Variants in ATP8A2 observed in about 807,000 individuals in gnomAD.
The protein encoded by ATP8A2 is phospholipid-transporting ATPase IB.
In ATP8A2, 100 loss-of-function variants were observed where a neutral mutation model predicts 165.6. That is an observed-to-expected ratio of 0.60 (90% CI 0.51 to 0.71). The LOEUF (loss-of-function observed/expected upper bound fraction) is 0.71. Among genes scored for constraint, ATP8A2 ranks in the 30% least tolerant of loss-of-function variants. The probability of loss-of-function intolerance (pLI) is 0.00; values close to 1 mark genes in which losing one functional copy is unlikely to be tolerated. For missense variants in ATP8A2, 1,227 were observed against 1,479.5 expected (o/e 0.83, Z 2.80); for synonymous variants, 543 against 548.8 (o/e 0.99, Z 0.15).
At chr13:25,570,971 A>C in intron 17 of ATP8A2, 99 bp downstream of exon 17, 2 of 835,600 alleles carry the variant, frequency 2.4e-6, no homozygotes, top group Non-Finnish European at 3.7e-6. Flanking sequence ...CGTCCCACAG[A>C]CTCGGCTGTC....
At chr13:25,973,801 C>T (rs1336881707) in intron 35 of ATP8A2, among the ~76,000 whole-genome samples, 3 of 152,224 alleles carry the variant, frequency 2.0e-5, no homozygotes, top group African/African-American at 7.2e-5. Flanking sequence ...TTGCACCGGA[C>T]TCCAACAATG....
chr13:25,598,085 C>T (rs969181378), intron 24 of ATP8A2, among the ~76,000 whole-genome samples: 6 of 151,934 alleles, frequency 3.9e-5, no homozygotes, highest in African/African-American at 1.5e-4. Context: ...GTTTATATCC[C>T]GTATAGTTAT....
chr13:25,551,084 TAAG>T (rs1566255118), intron 10 of ATP8A2, among the ~76,000 whole-genome samples: 1 of 152,220 alleles, frequency 6.6e-6, no homozygotes, highest in East Asian at 1.9e-4. Context: ...GATATAATCA[TAAG>T]AAGTACAGAA....
intron 24 of ATP8A2, among the ~76,000 whole-genome samples, chr13:25,619,020 G>GT (rs1175263434): frequency 6.6e-6 from 1 of 152,114 alleles, no homozygotes; most frequent in African/African-American, 2.4e-5. Context: ...AAGTAAGATT[G>GT]TTGAATAAAA....
At chr13:25,413,278 G>GTTTTTT (rs1195456593) in intron 1 of ATP8A2, among the ~76,000 whole-genome samples, 155 of 105,226 alleles carry the variant, frequency 1.5e-3, no homozygotes, top group Non-Finnish European at 2.3e-3. Context: ...CTTTTTCTTT[G>GTTTTTT]TTTTTTTTTT....
At chr13:25,895,311 G>C (rs1352236456) in intron 33 of ATP8A2, among the ~76,000 whole-genome samples, 1 of 152,080 alleles carries the variant, frequency 6.6e-6, no homozygotes, top group Non-Finnish European at 1.5e-5. Flanking sequence ...TTTGTCTTTG[G>C]TTCTGTTTAT....
chr13:25,598,194 C>T (rs2040288173), intron 24 of ATP8A2, among the ~76,000 whole-genome samples: 1 of 152,180 alleles, frequency 6.6e-6, no homozygotes, highest in South Asian at 2.1e-4. Flanking sequence ...GTGACTCTTC[C>T]TCGACCCTCT....
At chr13:25,450,533 T>C (rs1036302185) in intron 1 of ATP8A2, among the ~76,000 whole-genome samples, 1 of 151,678 alleles carries the variant, frequency 6.6e-6, no homozygotes, top group Non-Finnish European at 1.5e-5. Context: ...GGTCTTTGTG[T>C]GTGTGTGTGT....
chr13:25,761,767 T>G (rs945351471), intron 25 of ATP8A2, among the ~76,000 whole-genome samples: 1 of 151,900 alleles, frequency 6.6e-6, no homozygotes, highest in Non-Finnish European at 1.5e-5. Context: ...CCAAGACTAC[T>G]TGTAAATGTT....
intron 24 of ATP8A2, among the ~76,000 whole-genome samples, chr13:25,649,499 T>A (rs2041760566): frequency 6.6e-6 from 1 of 152,146 alleles, no homozygotes; most frequent in Admixed American, 6.6e-5. Context: ...TGGTTGAAGT[T>A]TTCCTTCCTG....
intron 25 of ATP8A2, among the ~76,000 whole-genome samples, chr13:25,737,492 A>G (rs2043797818): frequency 6.6e-6 from 1 of 151,920 alleles, no homozygotes; most frequent in African/African-American, 2.4e-5. Context: ...GTTTTTGCAA[A>G]TTATCGCTTT....
chr13:25,446,084 A>T (rs1409366627), intron 1 of ATP8A2, among the ~76,000 whole-genome samples: 1 of 152,182 alleles, frequency 6.6e-6, no homozygotes, highest in Non-Finnish European at 1.5e-5. Context: ...TTATCCATAG[A>T]GCGCTGTAAG....
chr13:25,514,052 CTTGTAT>C (rs532857045), intron 2 of ATP8A2, among the ~76,000 whole-genome samples: 15 of 151,236 alleles, frequency 9.9e-5, no homozygotes, highest in Non-Finnish European at 1.8e-4. Context: ...GGATATTGGT[CTTGTAT>C]TTGTACTATT....
chr13:25,928,648 C>T (rs1199001648), intron 33 of ATP8A2, among the ~76,000 whole-genome samples: 1 of 152,196 alleles, frequency 6.6e-6, no homozygotes, highest in Non-Finnish European at 1.5e-5. Flanking sequence ...GTGGTAACTC[C>T]GTGGATTACC....
At chr13:25,661,389 C>T (rs1359728357) in intron 24 of ATP8A2, among the ~76,000 whole-genome samples, 1 of 152,182 alleles carries the variant, frequency 6.6e-6, no homozygotes, top group African/African-American at 2.4e-5. Context: ...CGCTGATATT[C>T]ATCCATTTGC....
At chr13:25,441,489 G>A (rs531494559) in intron 1 of ATP8A2, among the ~76,000 whole-genome samples, 3 of 152,140 alleles carry the variant, frequency 2.0e-5, no homozygotes, top group Non-Finnish European at 2.9e-5. Flanking sequence ...GTGCGGCGTG[G>A]ACTGTGAAAT....
Position 25,372,093 on chromosome 13 carries a change from A to C in ATP8A2, c.-120A>C, listed in dbSNP as rs1196692322. ...GGCACAGGCGCCGGCGGTCCCCGCC[A>C]GCTAGCAGCCCGGCGAGGCGCTGGC... On this transcript the variant is annotated 5_prime_UTR_variant, in exon 1 of 37. Transcript: ENST00000381655. The surrounding 1 kb of genome is among the most constrained non-coding windows in gnomAD (Gnocchi z 4.8). 1.9e-5 allele frequency: 12 copies of C among 635,584 alleles called. No individual in the cohort carries two copies. The highest frequency in any genetic ancestry group is 2.6e-5 in the Non-Finnish European group (12 of 456,610). 39.4% of individuals were successfully genotyped at this position (635,584 alleles called of 1,614,324 possible). A position where few individuals can be genotyped will look rare whatever the true frequency, so the allele number is the denominator to read the frequency against.
At chr13:25,543,089 A>G (rs902715636) in intron 9 of ATP8A2, among the ~76,000 whole-genome samples, 13 of 152,148 alleles carry the variant, frequency 8.5e-5, no homozygotes, top group African/African-American at 2.9e-4. Flanking sequence ...TTCTGTAGTG[A>G]TGAATGTAAA....
chr13:26,020,215 C>A lies in ATP8A2; in HGVS notation c.*230C>A. On this transcript the variant is annotated 3_prime_UTR_variant, in exon 37 of 37. Coordinates refer to ENST00000381655, the MANE Select transcript of ATP8A2 (RefSeq NM_016529.6). ...AACTCGTCTGCAGTGCTTAGCCTAA[C>A]TTTTGTTTATGTCGTTATGAAGCAT... The A allele has an allele frequency of 1.8e-6, 1 of 559,800 alleles. No individual in the cohort carries two copies. The highest frequency in any genetic ancestry group is 3.2e-6 in the Non-Finnish European group (1 of 314,390). The allele number at this position is 559,800 out of a possible 1,614,324, so 34.7% of individuals were successfully genotyped here.
Sources: allele counts gnomAD v4.1 joint callset (sites outside exome capture counted in the v4.1 genomes callset), GRCh38; gene constraint gnomAD v4.1.1; non-coding constraint Gnocchi (gnomAD v3.1); transcripts MANE v1.5; gene names NCBI Gene and HGNC (gene_info 2026-07-23, HGNC 2026-07-21).